Variants in PDZRN4 observed in about 807,000 individuals in gnomAD.
PDZRN4 encodes PDZ domain containing ring finger 4.
In PDZRN4, 70 loss-of-function variants were observed where a neutral mutation model predicts 99.0. That is an observed-to-expected ratio of 0.71 (90% confidence interval 0.58 to 0.86). The LOEUF (loss-of-function observed/expected upper bound fraction) is 0.86. Among genes scored for constraint, PDZRN4 ranks in the 40% least tolerant of loss-of-function variants. The pLI is 0.00. For missense variants in PDZRN4, 1,474 were observed against 1,331.2 expected (o/e 1.11, Z -1.67); for synonymous variants, 551 against 501.6 (o/e 1.10, Z -1.32).
intron 5 of PDZRN4, among the ~76,000 whole-genome samples, chr12:41,544,866 C>T (rs917488565): frequency 2.0e-5 from 3 of 152,094 alleles, no homozygotes; most frequent in Admixed American, 2.0e-4. Flanking sequence ...GACCAGGTCC[C>T]TTAGCTAGAA....
chr12:41,432,271 T>C (rs1952592267), intron 3 of PDZRN4, among the ~76,000 whole-genome samples: 1 of 152,254 alleles, frequency 6.6e-6, no homozygotes, highest in Non-Finnish European at 1.5e-5. Context: ...TTTTCTTTCA[T>C]AGACTTTCAA....
chr12:41,364,788 A>G (rs568163066), intron 3 of PDZRN4, among the ~76,000 whole-genome samples: 2 of 152,236 alleles, frequency 1.3e-5, no homozygotes, highest in African/African-American at 4.8e-5. Flanking sequence ...TATGGGAATC[A>G]TAGGTACTGG....
At chr12:41,537,891 C>G (rs112088661) in intron 5 of PDZRN4, among the ~76,000 whole-genome samples, 1 of 152,094 alleles carries the variant, frequency 6.6e-6, no homozygotes, top group African/African-American at 2.4e-5. Context: ...AAGACCAACC[C>G]GCTCATGTGG....
intron 3 of PDZRN4, among the ~76,000 whole-genome samples, chr12:41,374,358 A>T (rs1339056714): frequency 6.6e-6 from 1 of 152,178 alleles, no homozygotes; most frequent in Non-Finnish European, 1.5e-5. Flanking sequence ...TGGGCAATGC[A>T]GTCAGCAGGG....
chr12:41,531,609 G>C (rs993425768), intron 5 of PDZRN4, among the ~76,000 whole-genome samples: 4 of 152,096 alleles, frequency 2.6e-5, no homozygotes, highest in African/African-American at 9.7e-5. Context: ...TTCCCACCTA[G>C]GTCCGTGGAG....
intron 3 of PDZRN4, among the ~76,000 whole-genome samples, chr12:41,324,692 G>A (rs1022337376): frequency 6.6e-6 from 1 of 152,042 alleles, no homozygotes; most frequent in East Asian, 1.9e-4. Flanking sequence ...ATATATTCTA[G>A]ATCTGTGTGC....
At chr12:41,478,105 A>G (rs1254265882) in intron 3 of PDZRN4, among the ~76,000 whole-genome samples, 2 of 152,068 alleles carry the variant, frequency 1.3e-5, no homozygotes, top group Non-Finnish European at 2.9e-5. Flanking sequence ...CTAATAATAC[A>G]TTAAATTTTT....
intron 3 of PDZRN4, among the ~76,000 whole-genome samples, chr12:41,256,655 C>G (rs1231509556): frequency 6.6e-6 from 1 of 152,152 alleles, no homozygotes; most frequent in Non-Finnish European, 1.5e-5. Context: ...CCATAGCTGA[C>G]TGAACTAAGA....
intron 3 of PDZRN4, among the ~76,000 whole-genome samples, chr12:41,272,461 A>G (rs561448474): frequency 2.7e-4 from 41 of 152,214 alleles, no homozygotes; most frequent in African/African-American, 9.9e-4. Context: ...CATCATTACT[A>G]TAATGGCCCA....
chr12:41,569,687 C>T (rs1319498927), intron 9 of PDZRN4, among the ~76,000 whole-genome samples: 1 of 152,104 alleles, frequency 6.6e-6, no homozygotes, highest in Non-Finnish European at 1.5e-5. Flanking sequence ...TGCTAACATC[C>T]CATAACAGAA....
intron 3 of PDZRN4, among the ~76,000 whole-genome samples, chr12:41,328,785 C>T (rs1454290852): frequency 6.6e-6 from 1 of 152,048 alleles, no homozygotes; most frequent in East Asian, 1.9e-4. Context: ...CAAGTCTTAC[C>T]AGACTCAGGA....
At chr12:41,571,358 TCTCTCTCTCTCTCTCTCTCA>T (rs1218384538) in intron 9 of PDZRN4, among the ~76,000 whole-genome samples, 3 of 95,908 alleles carry the variant, frequency 3.1e-5, no homozygotes, top group African/African-American at 1.5e-4. Context: ...TCTCTCTCTC[TCTCTCTCTCTCTCTCTCTCA>T]CACACACACA....
chr12:41,226,908 C>A (rs776372356), intron 3 of PDZRN4, among the ~76,000 whole-genome samples: 10 of 152,124 alleles, frequency 6.6e-5, no homozygotes, highest in Non-Finnish European at 1.2e-4. Context: ...GTCAAACTGA[C>A]TTTCTATTGA....
chr12:41,513,722 A>G (rs1199916842), intron 5 of PDZRN4, among the ~76,000 whole-genome samples: 1 of 152,040 alleles, frequency 6.6e-6, no homozygotes, highest in Non-Finnish European at 1.5e-5. Flanking sequence ...AACCTCTACT[A>G]GAAATAATTT....
intron 3 of PDZRN4, among the ~76,000 whole-genome samples, chr12:41,413,711 T>C (rs1952418039): frequency 6.6e-6 from 1 of 152,188 alleles, no homozygotes; most frequent in South Asian, 2.1e-4. Context: ...GGTGCCCTTA[T>C]ATGTGAGATG....
At chr12:41,436,820 T>C (rs1354713000) in intron 3 of PDZRN4, among the ~76,000 whole-genome samples, 4 of 152,234 alleles carry the variant, frequency 2.6e-5, no homozygotes, top group South Asian at 2.1e-4. Context: ...TTGATCATTA[T>C]GAACTCTAAA....
intron 3 of PDZRN4, among the ~76,000 whole-genome samples, chr12:41,386,358 G>C (rs1053016493): frequency 5.9e-5 from 9 of 152,092 alleles, no homozygotes; most frequent in African/African-American, 2.2e-4. Flanking sequence ...CAAATACGAA[G>C]AGAAGAAGTC....
At chr12:41,313,781 AT>A (rs1346315101) in intron 3 of PDZRN4, among the ~76,000 whole-genome samples, 1 of 152,196 alleles carries the variant, frequency 6.6e-6, no homozygotes, top group Non-Finnish European at 1.5e-5. Flanking sequence ...TCTACTTTTT[AT>A]TGCCAGGTAC....
chr12:41,297,341 A>G (rs990947751), intron 3 of PDZRN4, among the ~76,000 whole-genome samples: 1 of 152,178 alleles, frequency 6.6e-6, no homozygotes, highest in Non-Finnish European at 1.5e-5. Flanking sequence ...TAAATTTTTT[A>G]AAATCTGATA....
Sources: allele counts gnomAD v4.1 joint callset (sites outside exome capture counted in the v4.1 genomes callset), GRCh38; gene constraint gnomAD v4.1.1; transcripts MANE v1.5; gene names NCBI Gene and HGNC (gene_info 2026-07-23, HGNC 2026-07-21).